GLRA1: variants seen among roughly 807,000 people sequenced by gnomAD.
GLRA1 encodes the protein glycine receptor subunit alpha-1.
A neutral mutation model predicts 48.3 loss-of-function variants in GLRA1; 37 were observed. The observed-to-expected ratio is 0.77, with a 90% CI of 0.59 to 1.01. The LOEUF (loss-of-function observed/expected upper bound fraction) is 1.01. Among genes scored for constraint, GLRA1 ranks in the 50% least tolerant of loss-of-function variants. The pLI is 0.00. For missense variants in GLRA1, 427 were observed against 571.0 expected, an observed-to-expected ratio of 0.75 and a Z score of 2.57; for synonymous variants, 196 against 210.7, an observed-to-expected ratio of 0.93 and a Z score of 0.60.
intron 7 of GLRA1, among the ~76,000 whole-genome samples, chr5:151,836,116 A>T (rs768268921): frequency 2.6e-5 from 4 of 152,242 alleles, no homozygotes; most frequent in Non-Finnish European, 4.4e-5. Flanking sequence ...GCAAAGTCTC[A>T]GGATACAAAA....
At chr5:151,829,677 C>T (rs576457525) in intron 7 of GLRA1, among the ~76,000 whole-genome samples, 1 of 152,302 alleles carries the variant, frequency 6.6e-6, no homozygotes, top group South Asian at 2.1e-4. Context: ...TTAGAATATT[C>T]ACACATATGT....
chr5:151,823,483 CCA>C (rs1201995788), intron 8 of GLRA1, among the ~76,000 whole-genome samples: 9 of 152,158 alleles, frequency 5.9e-5, no homozygotes, highest in African/African-American at 1.9e-4. Flanking sequence ...ATCCCATTCC[CCA>C]GTTAATAACT....
At chr5:151,849,348 ATCCT>A (rs1472755093) in intron 7 of GLRA1, among the ~76,000 whole-genome samples, 7 of 44,234 alleles carry the variant, frequency 1.6e-4, no homozygotes, top group Admixed American at 3.3e-4. Flanking sequence ...CCTTCCTTCC[ATCCT>A]TCCTTCCTTC....
rs541289880 is a variant in GLRA1 at position 151,919,292 on chromosome 5, C to G, written c.56+5202G>C. Among the ~76,000 whole-genome samples, 12 of 152,138 alleles carry G rather than the reference C, an allele frequency of 7.9e-5. No individual in the cohort carries two copies. The East Asian group carries it at 2.3e-3, about 29-fold the overall frequency. ...AAAAAACAAAAAACAAAAACATAGG[C>G]TTTATGAGGGAAAAAAGAGCCAAAC... On this transcript the variant is annotated intron_variant, in intron 1 of 8. Coordinates refer to ENST00000274576, the MANE Select transcript of GLRA1 (RefSeq NM_000171.4).
At chr5:151,895,639 G>C (rs1036317174) in intron 1 of GLRA1, among the ~76,000 whole-genome samples, 1 of 151,834 alleles carries the variant, frequency 6.6e-6, no homozygotes, top group African/African-American at 2.4e-5. Context: ...GTGTGTGTGT[G>C]TGTGTGTGTG....
intron 1 of GLRA1, among the ~76,000 whole-genome samples, chr5:151,911,613 T>G (rs1474449057): frequency 6.8e-6 from 1 of 147,032 alleles, no homozygotes; most frequent in African/African-American, 2.5e-5. Flanking sequence ...TTTTTTTTTT[T>G]TTTTTTTTTT....
chr5:151,828,404 T>C (rs1402936636), intron 8 of GLRA1, among the ~76,000 whole-genome samples: 3 of 152,138 alleles, frequency 2.0e-5, no homozygotes, highest in African/African-American at 7.2e-5. Flanking sequence ...CTGTCAAATA[T>C]TCCTTTATTC....
At chr5:151,874,265 C>T (rs770637996) in intron 3 of GLRA1, among the ~76,000 whole-genome samples, 1 of 152,072 alleles carries the variant, frequency 6.6e-6, no homozygotes, top group African/African-American at 2.4e-5. Context: ...GATGAAAGAC[C>T]AATAAATAAA....
intron 8 of GLRA1, among the ~76,000 whole-genome samples, chr5:151,826,704 T>C (rs1763278614): frequency 6.6e-6 from 1 of 152,186 alleles, no homozygotes; most frequent in Non-Finnish European, 1.5e-5. Flanking sequence ...GAGATAGTGT[T>C]TGTTTTCTTT....
intron 1 of GLRA1, among the ~76,000 whole-genome samples, chr5:151,896,287 G>A (rs535882340): frequency 1.3e-5 from 2 of 152,314 alleles, no homozygotes; most frequent in Admixed American, 6.5e-5. Flanking sequence ...ACCCCAGGGG[G>A]TCAAGTAACT....
intron 1 of GLRA1, among the ~76,000 whole-genome samples, chr5:151,902,555 T>A (rs999911842): frequency 1.3e-5 from 2 of 152,160 alleles, no homozygotes; most frequent in African/African-American, 2.4e-5. Context: ...CTCAGGTTAG[T>A]CAACTTTATT....
In GLRA1 at chr5:151,829,008, T is replaced by C. The variant is rs762554462; in HGVS notation, c.972A>G (p.Ser324=). 1.4e-5 allele frequency: 23 copies of C among 1,614,102 alleles called. No individual in the cohort carries two copies. Among genetic ancestry groups the C allele is most frequent in the Non-Finnish European group, 1.9e-5 (22 of 1,179,948 alleles). Residue 324 remains serine, a synonymous_variant, in exon 8 of 9, where the codon TCA becomes TCG. Transcript: ENST00000274576. ...WMAVCLLFVF[S]ALLEYAAVNF... ...TAACGGCAGCATATTCTAATAGGGC[T>C]GAGAACACAAAGAGCAGGCAAACTG... is the stretch of plus-strand genomic sequence containing the variant.
chr5:151,859,158 G>A (rs1753127527), intron 4 of GLRA1, among the ~76,000 whole-genome samples: 1 of 152,184 alleles, frequency 6.6e-6, no homozygotes, highest in African/African-American at 2.4e-5. Flanking sequence ...TATTACATGT[G>A]TAAGGACATT....
intron 3 of GLRA1, among the ~76,000 whole-genome samples, chr5:151,873,794 G>T (rs1382465588): frequency 2.0e-5 from 3 of 151,990 alleles, no homozygotes; most frequent in African/African-American, 7.3e-5. Context: ...AACACTCCTT[G>T]TCAGGCTGGG....
chr5:151,855,731 C>A (rs903547244), intron 5 of GLRA1, among the ~76,000 whole-genome samples: 1 of 152,224 alleles, frequency 6.6e-6, no homozygotes, highest in Non-Finnish European at 1.5e-5. Flanking sequence ...TGCCTAAGTG[C>A]TCTGCCTTGG....
At chr5:151,894,766 G>A (rs1754189134) in intron 1 of GLRA1, among the ~76,000 whole-genome samples, 1 of 152,080 alleles carries the variant, frequency 6.6e-6, no homozygotes, top group Non-Finnish European at 1.5e-5. Flanking sequence ...CAAATATCCT[G>A]GCTAGTAAAA....
At chr5:151,857,781 T>A (rs1753087221) in intron 4 of GLRA1, among the ~76,000 whole-genome samples, 1 of 152,174 alleles carries the variant, frequency 6.6e-6, no homozygotes, top group South Asian at 2.1e-4. Flanking sequence ...AATACAAGAC[T>A]CCAGCTTGAA....
chr5:151,890,049 A>G (rs994182744), intron 2 of GLRA1, among the ~76,000 whole-genome samples: 2 of 152,296 alleles, frequency 1.3e-5, no homozygotes, highest in African/African-American at 4.8e-5. Context: ...TTCAGTGGTC[A>G]GGATAAAATT....
intron 1 of GLRA1, among the ~76,000 whole-genome samples, chr5:151,915,963 T>C (rs765109590): frequency 6.6e-6 from 1 of 152,172 alleles, no homozygotes; most frequent in Non-Finnish European, 1.5e-5. Flanking sequence ...TCCAGCTCTT[T>C]TTTTCTAGGC....
Sources: gnomAD v4.1 joint callset for allele counts (sites outside exome capture counted in the v4.1 genomes callset) on GRCh38, gnomAD v4.1.1 for gene constraint, MANE v1.5 for transcripts, NCBI Gene and HGNC (gene_info 2026-07-23, HGNC 2026-07-21) for gene names.